RAD51B: variants seen among roughly 807,000 people sequenced by gnomAD.
The protein encoded by RAD51B is DNA repair protein RAD51 homolog 2.
Under a neutral mutation model 42.2 loss-of-function variants are expected in RAD51B, and 38 were observed. The observed-to-expected ratio is 0.90, with a 90% CI of 0.70 to 1.18. The LOEUF (loss-of-function observed/expected upper bound fraction) is 1.18, where lower values mean the gene tolerates loss of function less well. Ranked by LOEUF, RAD51B falls within the 50% of genes most tolerant of loss-of-function variation. The pLI is 0.00. For synonymous variants in RAD51B, 154 were observed against 145.2 expected (o/e 1.06, Z -0.43); for missense variants, 373 against 400.7 (o/e 0.93, Z 0.59).
intron 4 of RAD51B, among the ~76,000 whole-genome samples, chr14:67,837,851 G>A (rs1957702349): frequency 6.6e-6 from 1 of 152,078 alleles, no homozygotes; most frequent in African/African-American, 2.4e-5. Flanking sequence ...ATAAATTGTT[G>A]TAAATTATAG....
At chr14:67,966,622 C>G (rs1046636565) in intron 7 of RAD51B, among the ~76,000 whole-genome samples, 1 of 152,166 alleles carries the variant, frequency 6.6e-6, no homozygotes, top group Non-Finnish European at 1.5e-5. Context: ...AGACCTTTCT[C>G]TATGCATTGA....
intron 9 of RAD51B, among the ~76,000 whole-genome samples, chr14:68,443,014 C>T (rs2085338060): frequency 6.6e-6 from 1 of 152,192 alleles, no homozygotes; most frequent in African/African-American, 2.4e-5. Flanking sequence ...CTGTGTTCCA[C>T]TCTCCCAGCA....
chr14:68,553,517 G>A (rs1430823470), intron 10 of RAD51B, among the ~76,000 whole-genome samples: 1 of 152,152 alleles, frequency 6.6e-6, no homozygotes, highest in Admixed American at 6.5e-5. Context: ...GAGGCGAGGT[G>A]GGGCTGGGGA....
At chr14:67,930,381 A>C (rs2140155477) in intron 7 of RAD51B, among the ~76,000 whole-genome samples, 1 of 151,904 alleles carries the variant, frequency 6.6e-6, no homozygotes, top group South Asian at 2.1e-4. Context: ...TTGAAGAGCT[A>C]GTCTAGTGGT....
At chr14:68,229,459 A>G (rs897503653) in intron 7 of RAD51B, among the ~76,000 whole-genome samples, 23 of 152,330 alleles carry the variant, frequency 1.5e-4, no homozygotes, top group South Asian at 1.2e-3. Context: ...TAAAAGTGTG[A>G]CATTATAGAA....
chr14:68,422,606 A>G (rs1369088423), intron 9 of RAD51B, among the ~76,000 whole-genome samples: 1 of 152,056 alleles, frequency 6.6e-6, no homozygotes, highest in Non-Finnish European at 1.5e-5. Flanking sequence ...GGAAGCAGAC[A>G]AAAGGTTTAC....
At chr14:68,077,407 C>A (rs1292387651) in intron 7 of RAD51B, among the ~76,000 whole-genome samples, 4 of 152,118 alleles carry the variant, frequency 2.6e-5, no homozygotes, top group Non-Finnish European at 5.9e-5. Flanking sequence ...AATAAATCAT[C>A]CTGCTTAGGT....
At chr14:68,197,604 T>A (rs2079398908) in intron 7 of RAD51B, among the ~76,000 whole-genome samples, 1 of 152,190 alleles carries the variant, frequency 6.6e-6, no homozygotes. Context: ...AATTTTCCAT[T>A]ACCAACAGAA....
intron 9 of RAD51B, among the ~76,000 whole-genome samples, chr14:68,415,169 A>C (rs1328470892): frequency 6.6e-6 from 1 of 151,864 alleles, no homozygotes; most frequent in Non-Finnish European, 1.5e-5. Flanking sequence ...AGTAGAGCTG[A>C]GCATCAGTGT....
chr14:68,051,972 A>C (rs2076401046), intron 7 of RAD51B, among the ~76,000 whole-genome samples: 1 of 152,118 alleles, frequency 6.6e-6, no homozygotes, highest in Non-Finnish European at 1.5e-5. Flanking sequence ...GAAAAGAAGA[A>C]CACTCCCTTG....
intron 10 of RAD51B, among the ~76,000 whole-genome samples, chr14:68,491,422 T>C (rs1019959211): frequency 2.0e-5 from 3 of 152,258 alleles, no homozygotes; most frequent in African/African-American, 7.2e-5. Flanking sequence ...ATTTATAAGA[T>C]GCACTTTAAA....
intron 10 of RAD51B, chr14:68,610,915 C>T: frequency 3.2e-6 from 2 of 630,300 alleles, no homozygotes; most frequent in South Asian, 3.5e-5. Context: ...ACCCTGCAGG[C>T]CATGAACAGT....
At chr14:68,104,227 T>C (rs892524835) in intron 7 of RAD51B, among the ~76,000 whole-genome samples, 2 of 152,152 alleles carry the variant, frequency 1.3e-5, no homozygotes, top group Non-Finnish European at 2.9e-5. Flanking sequence ...CTGTGTGATT[T>C]TGAAAGGTTT....
chr14:68,434,582 G>C (rs2085099598), intron 9 of RAD51B, among the ~76,000 whole-genome samples: 1 of 152,210 alleles, frequency 6.6e-6, no homozygotes, highest in South Asian at 2.1e-4. Flanking sequence ...CATTTGCTAA[G>C]ACCATTGGAA....
chr14:68,427,316 C>G (rs550929125), intron 9 of RAD51B, among the ~76,000 whole-genome samples: 2 of 152,280 alleles, frequency 1.3e-5, no homozygotes, highest in East Asian at 3.9e-4. Context: ...GCAGAGCAAC[C>G]AATGTGCAGC....
intron 7 of RAD51B, among the ~76,000 whole-genome samples, chr14:68,166,209 GA>G (rs1316992537): frequency 7.3e-6 from 1 of 136,260 alleles, no homozygotes; most frequent in Non-Finnish European, 1.5e-5. Flanking sequence ...TATACATGAA[GA>G]AAAAAGTCCT....
intron 10 of RAD51B, among the ~76,000 whole-genome samples, chr14:68,605,504 T>G (rs1001328641): frequency 1.3e-5 from 2 of 152,236 alleles, no homozygotes; most frequent in African/African-American, 4.8e-5. Flanking sequence ...CCCGACTGGC[T>G]AACAGTTTAA....
chr14:68,672,531 A>G (rs1408406423), intron 11 of RAD51B, among the ~76,000 whole-genome samples: 1 of 152,140 alleles, frequency 6.6e-6, no homozygotes, highest in Non-Finnish European at 1.5e-5. Flanking sequence ...CTATTTAAGA[A>G]CTTTCTTTCT....
Position 68,157,909 on chromosome 14 carries a change from T to C in RAD51B, c.757-133975T>C, listed in dbSNP as rs535283637. ...AGAAGAATCCCCTTCTAATATAAATTTTTAAACTATTCATCTGAGTGTTTA... is the reference window on the plus strand; with the variant it reads ...AGAAGAATCCCCTTCTAATATAAATCTTTAAACTATTCATCTGAGTGTTTA... On this transcript the variant is annotated intron_variant, in intron 7 of 10. Transcript: ENST00000471583. Among the ~76,000 whole-genome samples the C allele has an allele frequency of 3.3e-5, 5 of 152,308 alleles. No homozygotes were observed. The East Asian group carries it at 9.6e-4, about 29-fold the overall frequency.
Sources: gnomAD v4.1 joint callset for allele counts (sites outside exome capture counted in the v4.1 genomes callset) on GRCh38, gnomAD v4.1.1 for gene constraint, MANE v1.5 for transcripts, NCBI Gene and HGNC (gene_info 2026-07-23, HGNC 2026-07-21) for gene names.